Variants in TLK2 observed in about 807,000 individuals in gnomAD.
The protein encoded by TLK2 is serine/threonine-protein kinase tousled-like 2.
In TLK2, 6 loss-of-function variants were observed where a neutral mutation model predicts 117.3. The ratio of observed to expected loss-of-function variants is 0.05; its 90% CI spans 0.03 to 0.10. The LOEUF is 0.10. Ranked by LOEUF, TLK2 falls within the 10% of genes least tolerant of loss-of-function variation. The pLI is 1.00. For missense variants in TLK2, 299 were observed against 901.2 expected (o/e 0.33, Z 8.56); for synonymous variants, 257 against 316.7 (o/e 0.81, Z 2.00).
At chr17:62,496,727 A>T (rs2073727931) in intron 2 of TLK2, among the ~76,000 whole-genome samples, 2 of 152,090 alleles carry the variant, frequency 1.3e-5, no homozygotes, top group Non-Finnish European at 2.9e-5. Context: ...AGGCCAAGGC[A>T]GGTGGATCAC....
At chr17:62,557,299 C>G (rs1001440558) in intron 9 of TLK2, among the ~76,000 whole-genome samples, 2 of 152,046 alleles carry the variant, frequency 1.3e-5, no homozygotes, top group African/African-American at 4.8e-5. Context: ...TGTATATTCT[C>G]TAGGGTTTTT....
chr17:62,498,392 T>C (rs868812437), intron 2 of TLK2, among the ~76,000 whole-genome samples: 51,265 of 139,722 alleles, frequency 0.37, 8,399 homozygotes, highest in Middle Eastern at 0.43. Flanking sequence ...AAGCCCCCCT[T>C]TTTTTTTTTT....
At chr17:62,566,993 C>T (rs543221290) in intron 11 of TLK2, among the ~76,000 whole-genome samples, 118 of 152,190 alleles carry the variant, frequency 7.8e-4, no homozygotes, top group African/African-American at 2.6e-3. Context: ...TTTGGGAGGC[C>T]GAAGCGGGTG....
At position 62,573,228 on chromosome 17, in the gene TLK2, A is replaced by G. The variant is rs1157589590; in HGVS notation, c.982A>G (p.Ile328Val). ...FQNLIKQQER[I>V]NSQREEIERQ... Reference sequence around the variant, plus strand: ...TTATATCTCTAGGCAACAGGAAAGGATAAATTCACAGAGGGAAGAGATAGA... The same window carrying G: ...TTATATCTCTAGGCAACAGGAAAGGGTAAATTCACAGAGGGAAGAGATAGA... The change falls in exon 12 of 22, where the codon ATA becomes GTA. Residue 328 changes from isoleucine (I) to valine (V), a missense_variant. Coordinates refer to ENST00000346027, the MANE Select transcript of TLK2 (RefSeq NM_006852.6). The G allele has an allele frequency of 6.2e-7, 1 of 1,613,006 alleles. No homozygotes were observed. The highest frequency in any genetic ancestry group is 1.7e-5 in the Admixed American group (1 of 59,882).
chr17:62,554,618 G>T (rs1242121751), intron 9 of TLK2, among the ~76,000 whole-genome samples: 1 of 151,950 alleles, frequency 6.6e-6, no homozygotes, highest in Non-Finnish European at 1.5e-5. Context: ...ACCGGGCATG[G>T]TGGCCCATAC....
At chr17:62,481,980 T>C (rs1254170120) in intron 2 of TLK2, among the ~76,000 whole-genome samples, 4 of 152,086 alleles carry the variant, frequency 2.6e-5, no homozygotes, top group African/African-American at 9.7e-5. Flanking sequence ...AGTTTTCCTC[T>C]TGTCGCCGAG....
intron 16 of TLK2, among the ~76,000 whole-genome samples, chr17:62,590,008 C>T (rs1207857204): frequency 1.1e-4 from 17 of 150,642 alleles, no homozygotes; most frequent in Admixed American, 2.0e-4. Context: ...GGGGTTTCAC[C>T]GTGTTAGCCA....
rs191318014 is a variant in TLK2, at chr17:62,493,022, G to C, written c.81+11816G>C. On this transcript the variant is annotated intron_variant, in intron 2 of 21. Coordinates refer to ENST00000346027, the MANE Select transcript of TLK2 (RefSeq NM_006852.6). ...CTGATGCAAGAGAATCACTTGAACC[G>C]GGAGGTGGAGGTTGCAGTGAGCCGA... 5.3e-3 allele frequency among the ~76,000 whole-genome samples: 800 copies of C among 152,092 alleles called. 4 individuals are homozygous for C. Among genetic ancestry groups the C allele is most frequent in the Middle Eastern group, 0.014 (4 of 294 alleles).
At chr17:62,595,573 T>C (rs1433358097) in intron 16 of TLK2, among the ~76,000 whole-genome samples, 1 of 151,766 alleles carries the variant, frequency 6.6e-6, no homozygotes, top group Non-Finnish European at 1.5e-5. Context: ...TTTTTTTTTT[T>C]TTCTTCCTCA....
chr17:62,581,583 G>C (rs1035957483), intron 15 of TLK2, among the ~76,000 whole-genome samples: 4 of 151,678 alleles, frequency 2.6e-5, no homozygotes, highest in Admixed American at 6.6e-5. Context: ...GATTACAGGT[G>C]TGTACCACCA....
intron 2 of TLK2, among the ~76,000 whole-genome samples, chr17:62,502,029 A>ATTTTTTTTTT (rs371212708): frequency 2.2e-5 from 3 of 137,448 alleles, no homozygotes; most frequent in African/African-American, 8.2e-5. Context: ...AAAAATACCA[A>ATTTTTTTTTT]TTTTTTTTTT....
At chr17:62,479,989 C>A (rs1188784958) in intron 1 of TLK2, among the ~76,000 whole-genome samples, 1 of 152,182 alleles carries the variant, frequency 6.6e-6, no homozygotes, top group East Asian at 1.9e-4. Context: ...GCATTTCAAC[C>A]TTTCTGAGAA....
chr17:62,575,667 TTCTG>T (rs757140556), intron 12 of TLK2, among the ~76,000 whole-genome samples: 4 of 152,254 alleles, frequency 2.6e-5, no homozygotes, highest in Non-Finnish European at 5.9e-5. Flanking sequence ...TTTTCTTTCT[TTCTG>T]TCTTTCTCTC....
chr17:62,514,101 T>C (rs2075370242), intron 2 of TLK2, among the ~76,000 whole-genome samples: 1 of 152,166 alleles, frequency 6.6e-6, no homozygotes, highest in African/African-American at 2.4e-5. Flanking sequence ...AAGTGCTACG[T>C]GTTAGTTATT....
At chr17:62,575,153 A>C (rs2080678693) in intron 12 of TLK2, among the ~76,000 whole-genome samples, 2 of 152,236 alleles carry the variant, frequency 1.3e-5, no homozygotes, top group African/African-American at 4.8e-5. Context: ...AATGCAATCT[A>C]GGCTAGTAAT....
chr17:62,599,352 G>T (rs928293660), intron 17 of TLK2, among the ~76,000 whole-genome samples: 1 of 152,198 alleles, frequency 6.6e-6, no homozygotes, highest in African/African-American at 2.4e-5. Flanking sequence ...GCTTTATGAA[G>T]GCCTCAAATT....
At chr17:62,525,425 T>A (rs536150945) in intron 6 of TLK2, among the ~76,000 whole-genome samples, 1 of 151,862 alleles carries the variant, frequency 6.6e-6, no homozygotes, top group Non-Finnish European at 1.5e-5. Context: ...TGGCTATTAC[T>A]GTGTCATCCT....
chr17:62,590,781 A>G (rs962822915), intron 16 of TLK2, among the ~76,000 whole-genome samples: 3 of 152,168 alleles, frequency 2.0e-5, no homozygotes, highest in African/African-American at 4.8e-5. Context: ...ACCCAACAAG[A>G]TGGTATTAAA....
At chr17:62,606,058 TTTGTCTTTTTGTAC>T in intron 19 of TLK2, 58 bp from the exon 20 acceptor site, 1 of 641,412 alleles carries the variant, frequency 1.6e-6, no homozygotes, top group South Asian at 3.7e-5. Flanking sequence ...GATATTTTAT[TTTGTCTTTTTGTAC>T]ATGTCTTAAA....
Sources: allele counts gnomAD v4.1 joint callset (sites outside exome capture counted in the v4.1 genomes callset), GRCh38; gene constraint gnomAD v4.1.1; transcripts MANE v1.5; gene names NCBI Gene and HGNC (gene_info 2026-07-23, HGNC 2026-07-21).